The following TP53I13 variants were observed in gnomAD, a reference collection of about 807,000 sequenced individuals.
TP53I13 encodes tumor protein p53-inducible protein 13.
A neutral mutation model predicts 39.1 loss-of-function variants in TP53I13; 27 were observed. The observed-to-expected ratio is 0.69, with a 90% CI of 0.51 to 0.95. The LOEUF (loss-of-function observed/expected upper bound fraction) is 0.95, where lower values mean the gene tolerates loss of function less well. Ranked by LOEUF, TP53I13 falls within the 40% of genes least tolerant of loss-of-function variation. The probability of loss-of-function intolerance (pLI) is 0.00; values close to 1 mark genes in which losing one functional copy is unlikely to be tolerated. For missense variants in TP53I13, 544 were observed against 520.4 expected (o/e 1.05, Z -0.44); for synonymous variants, 230 against 224.6 (o/e 1.02, Z -0.22).
At chr17:29,576,329 C>T (rs745617920), downstream of TP53I13, 58 of 1,613,058 alleles carry the variant, frequency 3.6e-5, no homozygotes, top group Admixed American at 5.0e-5. Flanking sequence ...GCGATCCCTG[C>T]GGTGTGTGCT....
chr17:29,575,230 C>T (rs746639574), downstream of TP53I13: 29 of 1,568,156 alleles, frequency 1.8e-5, no homozygotes, highest in Non-Finnish European at 2.2e-5. This position sits in a 1 kb window ranked among gnomAD's most constrained non-coding sequence, Gnocchi z 5.5. Flanking sequence ...ATGCTCTCTG[C>T]AACACCCTAG....
At position 29,568,897 on chromosome 17, in the gene TP53I13, C is replaced by G; in HGVS notation, c.72+67C>G. On this transcript the variant is annotated intron_variant, in intron 1 of 6. Transcript: ENST00000301057. The surrounding 1 kb of genome is among the most constrained non-coding windows in gnomAD (Gnocchi z 4.5). ...CAAAGCGCTTTGCCAAAAGTTCGTC[C>G]TGGAAGGAGTGGCGCGCCGAGGGGG... is the stretch of plus-strand genomic sequence containing the variant. 1 of 1,598,908 alleles carries G rather than the reference C, an allele frequency of 6.3e-7. No individual in the cohort carries two copies. Among genetic ancestry groups the G allele is most frequent in the Non-Finnish European group, 8.5e-7 (1 of 1,177,400 alleles).
downstream of TP53I13, chr17:29,575,469 G>A (rs773410237): frequency 1.9e-6 from 3 of 1,600,888 alleles, no homozygotes; most frequent in South Asian, 2.2e-5. The surrounding 1 kb of genome is among the most constrained non-coding windows in gnomAD (Gnocchi z 5.5). Context: ...TTCCCTTCCA[G>A]CCTGAGGCCC....
chr17:29,572,131 CCT>C lies in TP53I13; in HGVS notation c.514-7_514-6del. The C allele has an allele frequency of 6.2e-7, 1 of 1,609,560 alleles. No homozygotes were observed. ...GGGCAGCAGGGTGATTGCTCTCTCT[CCT>C]CTCCTTAGGCCCTGGCTCTGGCCTT... On this transcript the variant is annotated splice_polypyrimidine_tract_variant and intron_variant, in intron 5 of 6. Transcript: ENST00000301057.
At chr17:29,566,989 G>A (rs992236446), upstream of TP53I13, 2 of 1,292,298 alleles carry the variant, frequency 1.5e-6, no homozygotes, top group Non-Finnish European at 2.0e-6. Flanking sequence ...GAGCCCCGGC[G>A]GGCAGCGGGC....
the TP53I13 span, chr17:29,580,937 G>A: frequency 1.8e-4 from 42 of 230,870 alleles, no homozygotes; most frequent in African/African-American, 4.9e-4. Context: ...GCGCCACCAC[G>A]CCTGGCTAAT....
upstream of TP53I13, among the ~76,000 whole-genome samples, chr17:29,567,719 AG>A (rs915320833): frequency 4.6e-5 from 7 of 152,130 alleles, no homozygotes; most frequent in Non-Finnish European, 1.0e-4. This position sits in a 1 kb window ranked among gnomAD's most constrained non-coding sequence, Gnocchi z 6.6. Flanking sequence ...CAGAAACAGC[AG>A]CCCCAAGCCT....
upstream of TP53I13, chr17:29,566,776 T>TCCCCCCCCCCCCC: frequency 6.6e-7 from 1 of 1,512,920 alleles, no homozygotes; most frequent in Non-Finnish European, 8.8e-7. Context: ...CGGCAGTGGC[T>TCCCCCCCCCCCCC]CGCGCCCGTC....
intron 3 of TP53I13, chr17:29,571,256 G>C (rs2032910291): frequency 3.3e-6 from 1 of 303,928 alleles, no homozygotes; most frequent in Admixed American, 4.6e-5. Context: ...TCATTTGGGG[G>C]TTGCTTATGG....
chr17:29,575,035 G>T, downstream of TP53I13: 1 of 1,514,666 alleles, frequency 6.6e-7, no homozygotes, highest in Non-Finnish European at 9.0e-7. This position sits in a 1 kb window ranked among gnomAD's most constrained non-coding sequence, Gnocchi z 5.5. Context: ...GCCTGCCCCA[G>T]CTCGAGGCCC....
Position 29,569,080 on chromosome 17 carries a change from T to C in TP53I13, c.135T>C (p.Pro45=), listed in dbSNP as rs1174655452. ...GTCCCGAGAGCCTGTGGCCTCTGCCTCCGCAGGTAGGAGCCCTGGAGGGCC... is the reference window on the plus strand; with the variant it reads ...GTCCCGAGAGCCTGTGGCCTCTGCCCCCGCAGGTAGGAGCCCTGGAGGGCC... The part of the protein sequence containing the change: ...AHCPESLWPL[P]PQVSPRVTYT... Residue 45 remains proline (P), a synonymous_variant, in exon 2 of 7, where the codon CCT becomes CCC. Coordinates refer to ENST00000301057, the MANE Select transcript of TP53I13 (RefSeq NM_138349.4). 1 of 1,595,792 alleles carries C rather than the reference T, an allele frequency of 6.3e-7. No homozygotes were observed. Among genetic ancestry groups the C allele is most frequent in the African/African-American group, 1.3e-5 (1 of 74,698 alleles).
upstream of TP53I13, chr17:29,568,125 G>C (rs948612239): frequency 9.9e-5 from 15 of 152,192 alleles, no homozygotes; most frequent in African/African-American, 3.4e-4. The surrounding 1 kb of genome is among the most constrained non-coding windows in gnomAD (Gnocchi z 4.5). Context: ...TGGAGAGTTT[G>C]GGGAGCGGAG....
the TP53I13 span, chr17:29,581,851 T>C: frequency 5.0e-6 from 8 of 1,611,336 alleles, no homozygotes; most frequent in Non-Finnish European, 5.9e-6. This position sits in a 1 kb window ranked among gnomAD's most constrained non-coding sequence, Gnocchi z 4.8. Flanking sequence ...GAGGAGGGGG[T>C]ATGGCTCAGA....
rs771721153 is a variant in TP53I13 at position 29,572,360 on chromosome 17, T to TAATG, written c.733_736dup (p.Ala246GlufsTer64). 117 of 1,606,368 alleles carry TAATG rather than the reference T, an allele frequency of 7.3e-5. No individual in the cohort carries two copies. The highest frequency in any genetic ancestry group is 9.2e-5 in the Non-Finnish European group (108 of 1,175,064). ...TGGCGGGAATCCCTGGTAGGGAGAG[T>TAATG]AATGCCCCATCTGTGCCCACTGTCT... is the stretch of plus-strand genomic sequence containing the variant. On this transcript the variant is annotated frameshift_variant, in exon 6 of 7. Transcript: ENST00000301057. LOFTEE classifies it high-confidence loss of function.
intron 3 of TP53I13, among the ~76,000 whole-genome samples, chr17:29,570,279 G>A (rs554562986): frequency 1.2e-3 from 177 of 147,698 alleles, no homozygotes; most frequent in African/African-American, 4.0e-3. Context: ...AGGCTGAGGC[G>A]GGTGGAACAC....
At chr17:29,576,568 T>G (rs2033211076), downstream of TP53I13, 1 of 1,614,048 alleles carries the variant, frequency 6.2e-7, no homozygotes, top group Non-Finnish European at 8.5e-7. Flanking sequence ...ACTGTTGACC[T>G]TCATGAGCTG....
chr17:29,566,414 C>T, upstream of TP53I13: 1 of 1,611,960 alleles, frequency 6.2e-7, no homozygotes, highest in Non-Finnish European at 8.5e-7. Context: ...GGGTAGTAGC[C>T]GCGCTCCAGG....
upstream of TP53I13, chr17:29,566,455 G>A (rs1226484257): frequency 1.3e-5 from 21 of 1,612,280 alleles, no homozygotes; most frequent in Admixed American, 1.7e-5. Flanking sequence ...CACGTTGCGG[G>A]TGAGGCGACC....
At chr17:29,577,642 C>T, downstream of TP53I13, 1 of 1,588,774 alleles carries the variant, frequency 6.3e-7, no homozygotes, top group Non-Finnish European at 8.6e-7. Flanking sequence ...CCAGCCCCCT[C>T]ACCTGATTCC....
Sources: allele counts gnomAD v4.1 joint callset (sites outside exome capture counted in the v4.1 genomes callset), GRCh38; gene constraint gnomAD v4.1.1; non-coding constraint Gnocchi (gnomAD v3.1); transcripts MANE v1.5; gene names NCBI Gene and HGNC (gene_info 2026-07-23, HGNC 2026-07-21).